The following KANK4 variants were observed in gnomAD, a reference collection of about 807,000 sequenced individuals.
KANK4 encodes KN motif and ankyrin repeat domains 4.
Under a neutral mutation model 80.8 loss-of-function variants are expected in KANK4, and 50 were observed. The ratio of observed to expected loss-of-function variants is 0.62; its 90% confidence interval spans 0.49 to 0.78. The LOEUF is 0.78. Ranked by LOEUF, KANK4 falls within the 30% of genes least tolerant of loss-of-function variation. The pLI is 0.00. For synonymous variants in KANK4, 465 were observed against 506.9 expected, an observed-to-expected ratio of 0.92 and a Z score of 1.11; for missense variants, 1,196 against 1,240.1, an observed-to-expected ratio of 0.96 and a Z score of 0.53.
chr1:62,267,890 G>C (rs932641549), intron 5 of KANK4, among the ~76,000 whole-genome samples: 25 of 152,008 alleles, frequency 1.6e-4, no homozygotes, highest in East Asian at 5.8e-4. Flanking sequence ...GAGAAGGACT[G>C]GGGCCAGGGT....
intron 9 of KANK4, among the ~76,000 whole-genome samples, chr1:62,240,663 C>T (rs191383719): frequency 9.9e-5 from 15 of 152,020 alleles, no homozygotes; most frequent in African/African-American, 3.6e-4. Flanking sequence ...GAGTGAAACT[C>T]CATCTCAAAA....
Position 62,263,296 on chromosome 1 carries a change from T to C in KANK4, c.2335A>G (p.Thr779Ala). Residue 779 changes from threonine to alanine, a missense_variant, in exon 7 of 10, where the codon ACC becomes GCC. This residue lies in a region of KANK4 where 1,154 missense variants were observed against 1,179.6 expected (regional missense o/e 0.98). Transcript: ENST00000371153. ...ACGCGGAACCACTCTTGACTGATGG[T>C]GTTCAAGCTTTGCCTCTGAAACCCC... ...TDQLLRQSLN[T>A]ISQEWFRVSS... is the part of the protein sequence containing the mutation. 6.2e-7 allele frequency: 1 copy of C among 1,613,012 alleles called. No homozygotes were observed.
At chr1:62,302,160 T>C (rs1644417147) in intron 1 of KANK4, among the ~76,000 whole-genome samples, 1 of 152,130 alleles carries the variant, frequency 6.6e-6, no homozygotes, top group African/African-American at 2.4e-5. Flanking sequence ...GACAAGATGG[T>C]TGAAGCAGCA....
At chr1:62,252,757 C>A (rs553081993) in intron 8 of KANK4, among the ~76,000 whole-genome samples, 1 of 152,348 alleles carries the variant, frequency 6.6e-6, no homozygotes, top group African/African-American at 2.4e-5. Flanking sequence ...CTAGCAAATG[C>A]CTTCTCAAGA....
Position 62,273,501 on chromosome 1 carries a change from T to A in KANK4, c.1603A>T (p.Arg535Trp), listed in dbSNP as rs373108825. The A allele has an allele frequency of 6.2e-6, 10 of 1,613,788 alleles. No individual in the cohort carries two copies. In the African/African-American group the frequency reaches 8.0e-5, roughly 13 times the overall value. The change falls in exon 3 of 10, where the codon AGG becomes TGG. Residue 535 changes from arginine to tryptophan, a missense_variant. Coordinates refer to ENST00000371153, the MANE Select transcript of KANK4 (RefSeq NM_181712.5). ...GSDRKTPPAG[R>W]EETSSNLPGK... ...GGGAGATTGGAACTGGTCTCCTCCCTCCCTGCTGGGGGAGTCTTTCTGTCG... is the reference window on the plus strand; with the variant it reads ...GGGAGATTGGAACTGGTCTCCTCCCACCCTGCTGGGGGAGTCTTTCTGTCG...
intron 6 of KANK4, 73 bp from the exon 7 acceptor site, chr1:62,263,384 A>G: frequency 7.8e-7 from 1 of 1,281,018 alleles, no homozygotes; most frequent in Admixed American, 2.1e-5. Flanking sequence ...ACAAGGAAAG[A>G]CAGCTTTGGC....
At chr1:62,250,007 A>G (rs572583685) in intron 8 of KANK4, among the ~76,000 whole-genome samples, 1 of 151,484 alleles carries the variant, frequency 6.6e-6, no homozygotes, top group African/African-American at 2.4e-5. Flanking sequence ...TTTTTTTGAG[A>G]TGGAGTCTCG....
chr1:62,289,332 GT>G (rs1247131714), intron 1 of KANK4, among the ~76,000 whole-genome samples: 2 of 152,178 alleles, frequency 1.3e-5, no homozygotes, highest in Non-Finnish European at 1.5e-5. Context: ...TTGAATCCAT[GT>G]TTTTCTGATG....
rs200309306 is a variant in KANK4, at chr1:62,268,439, G to T, written c.2079C>A (p.Ser693Arg). The T allele has an allele frequency of 1.5e-5, 25 of 1,613,674 alleles. No individual in the cohort carries two copies. The highest frequency in any genetic ancestry group is 2.0e-5 in the Non-Finnish European group (24 of 1,179,982). ...EDSTPEDLSDSEAEKKCDGPD... is the reference protein window; with the variant it reads ...EDSTPEDLSDREAEKKCDGPD... ...GGCCGTCACACTTCTTCTCTGCCTC[G>T]CTGTCAGACAAGTCCTCTGGGGTGC... The change falls in exon 5 of 10, where the codon AGC (serine) becomes AGA (arginine). Residue 693 changes from serine (S) to arginine (R), a missense_variant. Ser to Arg is a moderately radical substitution (Grantham distance 110). Around this residue, in one of 3 missense-constraint regions of KANK4, gnomAD observed 1,154 missense variants for 1,179.6 expected, o/e 0.98. Transcript: ENST00000371153.
chr1:62,310,228 C>T (rs934676314), intron 1 of KANK4, among the ~76,000 whole-genome samples: 4 of 152,210 alleles, frequency 2.6e-5, no homozygotes, highest in Admixed American at 1.3e-4. Context: ...CAGGGCCTGC[C>T]ACCTGCCCTC....
rs1672557848 is a variant in KANK4 at position 62,286,076 on chromosome 1, C to T, written c.-70-4442G>A. ...TCAATAAATGACACATTAACACAAT[C>T]TCATTAACTCCATTCCCACGTTTTT... On this transcript the variant is annotated intron_variant, in intron 1 of 9. Transcript: ENST00000371153. 2.0e-5 allele frequency among the ~76,000 whole-genome samples: 3 copies of T among 149,446 alleles called. No homozygotes were observed. In the South Asian group the frequency reaches 6.2e-4, roughly 31 times the overall value.
At chr1:62,255,255 G>A (rs1211951083) in intron 7 of KANK4, among the ~76,000 whole-genome samples, 1 of 152,012 alleles carries the variant, frequency 6.6e-6, no homozygotes, top group Non-Finnish European at 1.5e-5. Context: ...GTAGCCCTGG[G>A]GATATGTATC....
chr1:62,278,092 C>G (rs533469267), intron 2 of KANK4, among the ~76,000 whole-genome samples: 2 of 152,196 alleles, frequency 1.3e-5, no homozygotes, highest in South Asian at 2.1e-4. Context: ...ACTTTACGCT[C>G]TAGGTCATGG....
rs1644535517 is a variant in KANK4 at position 62,315,980 on chromosome 1, G to C, written c.-71+3126C>G. On this transcript the variant is annotated intron_variant, in intron 1 of 9. Coordinates refer to ENST00000371153, the MANE Select transcript of KANK4 (RefSeq NM_181712.5). ...AGGCTCAATGCAGTTTCAAAGAATGGGTGAATTCCTGAATCAATGAAAATC... is the reference window on the plus strand; with the variant it reads ...AGGCTCAATGCAGTTTCAAAGAATGCGTGAATTCCTGAATCAATGAAAATC... Among the ~76,000 whole-genome samples the C allele has an allele frequency of 2.0e-5, 3 of 152,288 alleles. 1 individual carries two copies. The highest frequency in any genetic ancestry group is 3.4e-3 in the Middle Eastern group (1 of 294).
At chr1:62,266,981 T>C (rs1672037285) in intron 5 of KANK4, among the ~76,000 whole-genome samples, 162 bp from the exon 6 acceptor site, 1 of 152,046 alleles carries the variant, frequency 6.6e-6, no homozygotes, top group Non-Finnish European at 1.5e-5. Flanking sequence ...GTGACCATGG[T>C]GTGTGCCGAT....
intron 8 of KANK4, among the ~76,000 whole-genome samples, chr1:62,249,591 G>A (rs1397438506): frequency 6.7e-6 from 1 of 148,484 alleles, no homozygotes; most frequent in East Asian, 2.0e-4. Flanking sequence ...TGCCCAGGCT[G>A]GAGTGCAATG....
intron 7 of KANK4, among the ~76,000 whole-genome samples, chr1:62,257,060 G>A (rs1671768360): frequency 6.6e-6 from 1 of 152,072 alleles, no homozygotes; most frequent in Non-Finnish European, 1.5e-5. Context: ...AAAGGGACTA[G>A]GAGGGGCTAA....
chr1:62,241,742 T>G (rs1671346896), intron 9 of KANK4, among the ~76,000 whole-genome samples: 1 of 152,216 alleles, frequency 6.6e-6, no homozygotes, highest in Non-Finnish European at 1.5e-5. Flanking sequence ...AAAAGCCTCC[T>G]AAAGGAGGAG....
intron 6 of KANK4, among the ~76,000 whole-genome samples, chr1:62,265,865 G>C (rs1331540758): frequency 2.6e-5 from 4 of 152,214 alleles, no homozygotes; most frequent in Non-Finnish European, 5.9e-5. Flanking sequence ...TCTTGACCCA[G>C]AGGTACACTT....
Sources: gnomAD v4.1 joint callset for allele counts (sites outside exome capture counted in the v4.1 genomes callset) on GRCh38, gnomAD v4.1.1 for gene constraint, gnomAD v4.1.1 regional missense constraint, MANE v1.5 for transcripts, NCBI Gene and HGNC (gene_info 2026-07-23, HGNC 2026-07-21) for gene names.